Variants in SLC71A2 observed in about 807,000 individuals in gnomAD.
The protein encoded by SLC71A2 is hippocampus abundant transcript-like 1.
chr9:94,456,040 C>G, the SLC71A2 span, among the ~76,000 whole-genome samples: 1 of 152,026 alleles, frequency 6.6e-6, no homozygotes, highest in Non-Finnish European at 1.5e-5. Flanking sequence ...CCTTCTGTCC[C>G]CATCCTAGGC....
At chr9:94,439,640 T>G in the SLC71A2 span, among the ~76,000 whole-genome samples, 2 of 152,002 alleles carry the variant, frequency 1.3e-5, no homozygotes, top group African/African-American at 4.8e-5. Flanking sequence ...TATTGGGTAC[T>G]TATAATCATT....
At chr9:94,459,480 GACTTC>G in the SLC71A2 span, 1 of 1,570,164 alleles carries the variant, frequency 6.4e-7, no homozygotes, top group Non-Finnish European at 8.7e-7. Flanking sequence ...CACCCCTGGT[GACTTC>G]ATGGTGCTGG....
chr9:94,389,695 C>T, the SLC71A2 span, among the ~76,000 whole-genome samples: 8 of 151,982 alleles, frequency 5.3e-5, no homozygotes, highest in African/African-American at 1.7e-4. Flanking sequence ...TAGCCTCAAA[C>T]TCCTGGGCTT....
the SLC71A2 span, chr9:94,459,424 A>C: frequency 6.2e-7 from 1 of 1,612,774 alleles, no homozygotes; most frequent in African/African-American, 1.3e-5. Flanking sequence ...CTCGGCAGAA[A>C]GTGGGATTCT....
At chr9:94,374,419 G>C in the SLC71A2 span, 3 of 152,210 alleles carry the variant, frequency 2.0e-5, no homozygotes, top group Non-Finnish European at 4.4e-5. Flanking sequence ...TCTGAAGTGG[G>C]CGTGGCGTCG....
the SLC71A2 span, chr9:94,453,936 A>C: frequency 6.8e-7 from 1 of 1,479,756 alleles, no homozygotes; most frequent in African/African-American, 1.4e-5. Flanking sequence ...GGTTTTTCAG[A>C]GTTGTCTCCT....
the SLC71A2 span, among the ~76,000 whole-genome samples, chr9:94,386,481 G>GT: frequency 2.6e-3 from 397 of 151,248 alleles, 4 homozygotes; most frequent in East Asian, 0.021. Flanking sequence ...TCTGTATACT[G>GT]TTCAGATGTT....
the SLC71A2 span, among the ~76,000 whole-genome samples, chr9:94,399,699 A>G: frequency 3.3e-5 from 5 of 152,154 alleles, no homozygotes; most frequent in Admixed American, 1.3e-4. Flanking sequence ...ACTTTCAACT[A>G]TAGCATAACA....
At chr9:94,399,666 A>G in the SLC71A2 span, among the ~76,000 whole-genome samples, 3 of 152,170 alleles carry the variant, frequency 2.0e-5, no homozygotes, top group Admixed American at 2.0e-4. Flanking sequence ...CAGAATTGTT[A>G]ATCTTTATTT....
At chr9:94,397,264 C>G in the SLC71A2 span, among the ~76,000 whole-genome samples, 1 of 151,286 alleles carries the variant, frequency 6.6e-6, no homozygotes, top group Non-Finnish European at 1.5e-5. Flanking sequence ...ACATTTTACA[C>G]TGGCATGGTA....
chr9:94,444,129 T>A, the SLC71A2 span, among the ~76,000 whole-genome samples: 1 of 152,246 alleles, frequency 6.6e-6, no homozygotes, highest in Non-Finnish European at 1.5e-5. Context: ...AAAAGCTAAC[T>A]TATAGATATG....
At chr9:94,395,673 A>G in the SLC71A2 span, among the ~76,000 whole-genome samples, 1 of 152,096 alleles carries the variant, frequency 6.6e-6, no homozygotes, top group Non-Finnish European at 1.5e-5. Context: ...AGAGTGAAAA[A>G]CCGTTCACAA....
At chr9:94,454,654 G>A in the SLC71A2 span, among the ~76,000 whole-genome samples, 1 of 152,034 alleles carries the variant, frequency 6.6e-6, no homozygotes, top group Non-Finnish European at 1.5e-5. Flanking sequence ...GTGAGCCACC[G>A]CACCTGGCCA....
At chr9:94,388,804 A>G in the SLC71A2 span, among the ~76,000 whole-genome samples, 324 of 152,316 alleles carry the variant, frequency 2.1e-3, no homozygotes, top group African/African-American at 7.2e-3. Context: ...TTTCTACTAA[A>G]CATGTATAAG....
chr9:94,451,312 G>A, the SLC71A2 span: 3 of 429,116 alleles, frequency 7.0e-6, no homozygotes, highest in Admixed American at 4.3e-5. Flanking sequence ...TAAATTACTG[G>A]TTATATAGGT....
chr9:94,416,020 T>C, the SLC71A2 span, among the ~76,000 whole-genome samples: 26 of 152,348 alleles, frequency 1.7e-4, no homozygotes, highest in South Asian at 8.3e-4. Context: ...GTAGCTTATC[T>C]ATAGCCATTT....
chr9:94,379,366 G>T, the SLC71A2 span, among the ~76,000 whole-genome samples: 1 of 146,002 alleles, frequency 6.8e-6, no homozygotes, highest in Non-Finnish European at 1.5e-5. Flanking sequence ...AATTACAGGC[G>T]TGAGCCACTG....
chr9:94,379,234 G>GT, the SLC71A2 span, among the ~76,000 whole-genome samples: 1 of 151,354 alleles, frequency 6.6e-6, no homozygotes, highest in Non-Finnish European at 1.5e-5. Flanking sequence ...TTACAGGCTT[G>GT]TGCCACCATG....
chr9:94,445,292 T>G, the SLC71A2 span: 1 of 876,634 alleles, frequency 1.1e-6, no homozygotes, highest in Non-Finnish European at 1.7e-6. Context: ...ACTTATTTCT[T>G]TAGTAAAAAT....
Sources: allele counts gnomAD v4.1 joint callset (sites outside exome capture counted in the v4.1 genomes callset), GRCh38; gene constraint gnomAD v4.1.1; transcripts MANE v1.5; gene names NCBI Gene and HGNC (gene_info 2026-07-23, HGNC 2026-07-21).